The following DGLUCY variants were observed in gnomAD, a reference collection of about 807,000 sequenced individuals.
DGLUCY encodes D-glutamate cyclase, also known as D-glutamate cyclase, mitochondrial.
In DGLUCY, 58 loss-of-function variants were observed where a neutral mutation model predicts 58.5. The ratio of observed to expected loss-of-function variants is 0.99; its 90% confidence interval spans 0.80 to 1.23. DGLUCY has a LOEUF of 1.23. Ranked by LOEUF, DGLUCY falls within the 50% of genes most tolerant of loss-of-function variation. The pLI is 0.00. For missense variants in DGLUCY, 779 were observed against 784.7 expected (o/e 0.99, Z 0.09); for synonymous variants, 325 against 314.1 (o/e 1.03, Z -0.37).
rs1884289949 is a variant in DGLUCY, at chr14:91,204,919, A to G, written c.1564+94A>G. On this transcript the variant is annotated intron_variant, in intron 12 of 13. Transcript: ENST00000256324. ...CAGGCCAGAAGCTCTTCTTCTCTGC[A>G]GTCAGTCCATAGGGCACCAGGGCAG... 7 of 1,557,660 alleles carry G rather than the reference A, an allele frequency of 4.5e-6. No homozygotes were observed. The Admixed American group carries it at 1.2e-4, about 28-fold the overall frequency.
At chr14:91,063,904 T>C (rs534282024) in intron 1 of DGLUCY, among the ~76,000 whole-genome samples, 2 of 152,346 alleles carry the variant, frequency 1.3e-5, no homozygotes, top group African/African-American at 4.8e-5. Context: ...GAGACTGCGC[T>C]GGAGAAGGCA....
chr14:91,142,838 TA>T (rs1566963264), intron 1 of DGLUCY, among the ~76,000 whole-genome samples: 1 of 54,958 alleles, frequency 1.8e-5, no homozygotes, highest in Non-Finnish European at 3.5e-5. Flanking sequence ...CCATCTCTAC[TA>T]AACACACACA....
chr14:91,189,255 G>C, intron 9 of DGLUCY, 85 bp downstream of exon 9: 1 of 1,531,990 alleles, frequency 6.5e-7, no homozygotes, highest in Non-Finnish European at 8.9e-7. Context: ...GCAGTACAGA[G>C]CATTCTCCTT....
chr14:91,181,733 G>A (rs946012218), intron 8 of DGLUCY, among the ~76,000 whole-genome samples: 8 of 148,668 alleles, frequency 5.4e-5, no homozygotes, highest in African/African-American at 1.5e-4. Flanking sequence ...GAACAATGGC[G>A]TGATCTTGGC....
chr14:91,199,909 A>C lies in DGLUCY; in HGVS notation c.1444+4A>C. The stretch of plus-strand genomic sequence containing the variant: ...ATTCCTGGAATCTCATCAACTGGTA[A>C]GTATGGAGTACTGGGGATGCACCAA... On this transcript the variant is annotated splice_donor_region_variant and intron_variant, in intron 11 of 13. Coordinates refer to ENST00000256324, the MANE Select transcript of DGLUCY (RefSeq NM_001102368.3). 1 of 1,614,114 alleles carries C rather than the reference A, an allele frequency of 6.2e-7. No individual in the cohort carries two copies. The highest frequency in any genetic ancestry group is 8.5e-7 in the Non-Finnish European group (1 of 1,179,982).
intron 1 of DGLUCY, among the ~76,000 whole-genome samples, chr14:91,153,170 CAGTG>C (rs2047415568): frequency 6.6e-6 from 1 of 152,102 alleles, no homozygotes; most frequent in East Asian, 1.9e-4. Context: ...TCCCTCCTGA[CAGTG>C]AGCTTTATTT....
At chr14:91,185,051 G>A (rs1446470215) in intron 8 of DGLUCY, among the ~76,000 whole-genome samples, 1 of 151,264 alleles carries the variant, frequency 6.6e-6, no homozygotes, top group Non-Finnish European at 1.5e-5. Context: ...CATTGCAACC[G>A]CCACCTCCTG....
chr14:91,193,660 G>A (rs1051066537), intron 9 of DGLUCY, among the ~76,000 whole-genome samples: 33 of 152,170 alleles, frequency 2.2e-4, no homozygotes, highest in African/African-American at 7.0e-4. Flanking sequence ...GGCCAACATG[G>A]TGAAACCCCG....
intron 1 of DGLUCY, among the ~76,000 whole-genome samples, chr14:91,142,639 T>C (rs1383260192): frequency 6.6e-6 from 1 of 151,930 alleles, no homozygotes; most frequent in Non-Finnish European, 1.5e-5. Context: ...TGAGCAAACA[T>C]GTACTGGTTA....
intron 1 of DGLUCY, among the ~76,000 whole-genome samples, chr14:91,063,827 G>T (rs181075339): frequency 2.6e-4 from 40 of 152,288 alleles, no homozygotes; most frequent in African/African-American, 9.6e-4. Flanking sequence ...AGCAGTAGAA[G>T]GAATTTAAAC....
chr14:91,126,675 T>C (rs892808051), intron 1 of DGLUCY: 1 of 143,702 alleles, frequency 7.0e-6, no homozygotes, highest in Non-Finnish European at 1.5e-5. Flanking sequence ...CTGGGCAATA[T>C]AGCAAGACCC....
chr14:91,156,630 G>T (rs760789598), intron 1 of DGLUCY, among the ~76,000 whole-genome samples: 22 of 152,192 alleles, frequency 1.4e-4, no homozygotes, highest in Non-Finnish European at 3.2e-4. Context: ...GACTGTCTGT[G>T]GGGCTCCTCT....
intron 1 of DGLUCY, among the ~76,000 whole-genome samples, chr14:91,129,894 G>A (rs552077718): frequency 5.9e-5 from 9 of 152,240 alleles, no homozygotes; most frequent in African/African-American, 1.7e-4. Flanking sequence ...TGATCCACCC[G>A]CCTTGGCCTC....
intron 13 of DGLUCY, chr14:91,220,353 T>C (rs1446021732): frequency 1.0e-5 from 4 of 396,026 alleles, no homozygotes; most frequent in Non-Finnish European, 2.0e-5. Context: ...CTGGCATGGA[T>C]TAATAGCAAG....
At position 91,060,379 on chromosome 14, in the gene DGLUCY, C is replaced by A. The variant is rs776541777; in HGVS notation, c.-407C>A. 4.6e-6 allele frequency: 7 copies of A among 1,508,394 alleles called. No individual in the cohort carries two copies. In the East Asian group the frequency reaches 1.1e-4, roughly 23 times the overall value. 93.4% of individuals were successfully genotyped at this position (1,508,394 alleles called of 1,614,324 possible). A position where few individuals can be genotyped will look rare whatever the true frequency, so the allele number is the denominator to read the frequency against. On this transcript the variant is annotated 5_prime_UTR_variant, in exon 1 of 5. Transcript: ENST00000521334. ...AGTGAGGAGCTGCTCTCCTCCGTCG[C>A]CGCCGTCCGCGCTGGTCCCCGCGGC...
chr14:91,204,566 C>T (rs962697480), intron 11 of DGLUCY, 140 bp from the exon 12 acceptor site: 14 of 1,177,966 alleles, frequency 1.2e-5, no homozygotes, highest in Non-Finnish European at 1.6e-5. Flanking sequence ...AGTACCACAA[C>T]TCCTGGTTGT....
intron 1 of DGLUCY, among the ~76,000 whole-genome samples, chr14:91,149,219 C>G (rs1164615699): frequency 6.6e-6 from 1 of 151,396 alleles, no homozygotes; most frequent in Non-Finnish European, 1.5e-5. Context: ...TGCACCCCAG[C>G]CTGGGCAACA....
intron 1 of DGLUCY, among the ~76,000 whole-genome samples, chr14:91,150,868 A>G (rs2047294021): frequency 6.6e-6 from 1 of 152,188 alleles, no homozygotes; most frequent in South Asian, 2.1e-4. Context: ...AAGTACATTC[A>G]CATTGTTGTG....
At chr14:91,216,744 C>T (rs1886582664) in intron 13 of DGLUCY, among the ~76,000 whole-genome samples, 1 of 152,100 alleles carries the variant, frequency 6.6e-6, no homozygotes, top group Non-Finnish European at 1.5e-5. Context: ...TGAGAGGCAG[C>T]AGCAGGTAAC....
Sources: gnomAD v4.1 joint callset for allele counts (sites outside exome capture counted in the v4.1 genomes callset) on GRCh38, gnomAD v4.1.1 for gene constraint, MANE v1.5 for transcripts, NCBI Gene and HGNC (gene_info 2026-07-23, HGNC 2026-07-21) for gene names.